The following AFG2A variants were observed in gnomAD, a reference collection of about 807,000 sequenced individuals.
AFG2A encodes ATPase family gene 2 protein homolog A.
chr4:123,188,553 C>G, the AFG2A span, among the ~76,000 whole-genome samples: 1 of 152,142 alleles, frequency 6.6e-6, no homozygotes, highest in South Asian at 2.1e-4. Context: ...TTAGACTACA[C>G]TTGTTTTTTG....
the AFG2A span, among the ~76,000 whole-genome samples, chr4:123,085,017 A>AT: frequency 1.0e-3 from 146 of 146,556 alleles, 2 homozygotes; most frequent in South Asian, 0.02. Context: ...GTATTTTGGA[A>AT]TTTTTTTTTT....
chr4:123,122,780 TG>T, the AFG2A span, among the ~76,000 whole-genome samples: 1,863 of 150,414 alleles, frequency 0.012, 49 homozygotes, highest in African/African-American at 0.044. Flanking sequence ...TCTGTTTTTT[TG>T]TTTTTTTTTT....
chr4:123,067,950 T>C, the AFG2A span, among the ~76,000 whole-genome samples: 1 of 152,166 alleles, frequency 6.6e-6, no homozygotes, highest in South Asian at 2.1e-4. Context: ...CCTACCCCAG[T>C]TTTAAGATAC....
At chr4:123,283,319 G>C in the AFG2A span, among the ~76,000 whole-genome samples, 132 of 151,334 alleles carry the variant, frequency 8.7e-4, 1 homozygote, top group Middle Eastern at 3.4e-3. Flanking sequence ...CATAAACTTT[G>C]ATTTCATACT....
At chr4:123,016,502 G>A in the AFG2A span, among the ~76,000 whole-genome samples, 3 of 150,688 alleles carry the variant, frequency 2.0e-5, no homozygotes, top group Non-Finnish European at 4.4e-5. Flanking sequence ...GGGCAGAGGC[G>A]CTCCCCACAT....
the AFG2A span, among the ~76,000 whole-genome samples, chr4:123,117,552 G>C: frequency 6.6e-6 from 1 of 150,992 alleles, no homozygotes; most frequent in Non-Finnish European, 1.5e-5. Context: ...AACAGAAACA[G>C]ACATTGGAGA....
chr4:123,150,586 AC>A, the AFG2A span, among the ~76,000 whole-genome samples: 16 of 152,310 alleles, frequency 1.1e-4, no homozygotes, highest in East Asian at 2.9e-3. Flanking sequence ...TTTAAGGAGA[AC>A]TACAAACCAC....
the AFG2A span, among the ~76,000 whole-genome samples, chr4:123,080,390 A>G: frequency 6.6e-6 from 1 of 152,196 alleles, no homozygotes; most frequent in South Asian, 2.1e-4. Context: ...CTGACCTTGG[A>G]CTTCCATCTA....
the AFG2A span, among the ~76,000 whole-genome samples, chr4:123,204,195 T>C: frequency 2.3e-4 from 35 of 152,220 alleles, no homozygotes; most frequent in Non-Finnish European, 3.1e-4. Flanking sequence ...CTATGTAAAG[T>C]AACATATTTT....
chr4:123,183,922 G>C, the AFG2A span, among the ~76,000 whole-genome samples: 1 of 139,656 alleles, frequency 7.2e-6, no homozygotes, highest in African/African-American at 2.7e-5. Context: ...ACCATGCCCA[G>C]CTTGCTTATT....
At chr4:123,262,211 A>G in the AFG2A span, among the ~76,000 whole-genome samples, 1 of 152,202 alleles carries the variant, frequency 6.6e-6, no homozygotes, top group Admixed American at 6.5e-5. Flanking sequence ...TTAATATTAG[A>G]TGGGTGGTAC....
At chr4:123,114,109 G>C in the AFG2A span, among the ~76,000 whole-genome samples, 9 of 152,072 alleles carry the variant, frequency 5.9e-5, no homozygotes, top group African/African-American at 2.2e-4. Context: ...CAGCAGAGAG[G>C]GTAGCTCCTC....
the AFG2A span, among the ~76,000 whole-genome samples, chr4:122,991,404 C>T: frequency 6.6e-6 from 1 of 152,126 alleles, no homozygotes; most frequent in Non-Finnish European, 1.5e-5. Context: ...ACAGAATGAG[C>T]CCCCTTAGCT....
At chr4:123,292,847 G>A in the AFG2A span, among the ~76,000 whole-genome samples, 1 of 152,150 alleles carries the variant, frequency 6.6e-6, no homozygotes, top group Non-Finnish European at 1.5e-5. Context: ...GCCAGTAGGA[G>A]GTACCCACAG....
chr4:123,088,146 T>C, the AFG2A span, among the ~76,000 whole-genome samples: 1 of 152,208 alleles, frequency 6.6e-6, no homozygotes, highest in African/African-American at 2.4e-5. Flanking sequence ...ACTTTACTGT[T>C]ATGCTGAGCC....
At chr4:122,953,522 A>G in the AFG2A span, among the ~76,000 whole-genome samples, 8 of 152,354 alleles carry the variant, frequency 5.3e-5, no homozygotes, top group African/African-American at 1.7e-4. Context: ...CCTGGCCACC[A>G]TTACTCTTAT....
At chr4:123,247,224 C>CGTGTGTGT in the AFG2A span, among the ~76,000 whole-genome samples, 67,226 of 149,604 alleles carry the variant, frequency 0.45, 18,303 homozygotes, top group Non-Finnish European at 0.6. Flanking sequence ...TACTTGCGTG[C>CGTGTGTGT]GTGTGTGTGT....
At chr4:123,259,126 C>T in the AFG2A span, among the ~76,000 whole-genome samples, 1 of 152,182 alleles carries the variant, frequency 6.6e-6, no homozygotes, top group African/African-American at 2.4e-5. Context: ...CTTGGCCTCC[C>T]AAAGTGCTGG....
At chr4:123,176,077 C>G in the AFG2A span, among the ~76,000 whole-genome samples, 1 of 152,146 alleles carries the variant, frequency 6.6e-6, no homozygotes, top group Non-Finnish European at 1.5e-5. Flanking sequence ...GATTGATTAT[C>G]TTAATTAAAT....
Sources: allele counts gnomAD v4.1 joint callset (sites outside exome capture counted in the v4.1 genomes callset), GRCh38; gene constraint gnomAD v4.1.1; transcripts MANE v1.5; gene names NCBI Gene and HGNC (gene_info 2026-07-23, HGNC 2026-07-21).